Variants in SYTL2 observed in about 807,000 individuals in gnomAD.
SYTL2 encodes synaptotagmin like 2.
Under a neutral mutation model 198.7 loss-of-function variants are expected in SYTL2, and 165 were observed. The observed-to-expected ratio is 0.83, with a 90% CI of 0.73 to 0.94. SYTL2 has a LOEUF of 0.94. SYTL2 is among the 40% of genes least tolerant of loss of function. The pLI is 0.00. For missense variants in SYTL2, 2,835 were observed against 2,582.8 expected, an observed-to-expected ratio of 1.10 and a Z score of -2.12; for synonymous variants, 966 against 917.7, an observed-to-expected ratio of 1.05 and a Z score of -0.95.
At position 85,713,323 on chromosome 11, in the gene SYTL2, A is replaced by G. The variant is rs370703961; in HGVS notation, c.5625+1090T>C. Among the ~76,000 whole-genome samples the G allele has an allele frequency of 1.5e-3, 233 of 152,310 alleles. 2 individuals carry two copies. The highest frequency in any genetic ancestry group is 5.5e-3 in the African/African-American group (227 of 41,562). On this transcript the variant is annotated intron_variant, in intron 12 of 19. Transcript: ENST00000359152. ...CCGTTAGAAATCAGACCAAAACTAC[A>G]AACAGTAGCAGCTAACATTTACCAG... is the stretch of plus-strand genomic sequence containing the variant.
intron 10 of SYTL2, 60 bp from the exon 11 acceptor site, chr11:85,717,590 T>C: frequency 2.9e-6 from 4 of 1,400,414 alleles, no homozygotes; most frequent in Non-Finnish European, 4.0e-6. Flanking sequence ...TAAAGAGACA[T>C]GAAAGTAAAG....
At chr11:85,716,151 G>T (rs538069399) in intron 11 of SYTL2, 1 of 152,228 alleles carries the variant, frequency 6.6e-6, no homozygotes, top group East Asian at 1.9e-4. Flanking sequence ...CAGATATTTA[G>T]GCATATATGT....
At chr11:85,759,630 T>C (rs2092034137) in intron 1 of SYTL2, among the ~76,000 whole-genome samples, 1 of 152,228 alleles carries the variant, frequency 6.6e-6, no homozygotes, top group African/African-American at 2.4e-5. Flanking sequence ...ATTTCTCTTT[T>C]GTATTATGTC....
At chr11:85,699,575 G>A (rs977497814) in intron 17 of SYTL2, among the ~76,000 whole-genome samples, 4 of 151,950 alleles carry the variant, frequency 2.6e-5, no homozygotes, top group African/African-American at 9.7e-5. Flanking sequence ...CTTTTTTGGG[G>A]GGCGGGGGGC....
In SYTL2 at chr11:85,726,109, T is replaced by C. The variant is rs1166836509; in HGVS notation, c.3249A>G (p.Gly1083=). ...PLRKYTYQLP[G]NESSKENVEK... ...CCACATTTTCCTTTGATGACTCATT[T>C]CCTGGCAACTGATAAGTATACTTTC... The change falls in exon 8 of 20, where the codon GGA becomes GGG. Residue 1083 remains glycine (G), a synonymous_variant. Coordinates refer to ENST00000359152, the MANE Select transcript of SYTL2 (RefSeq NM_206927.4). The C allele has an allele frequency of 1.2e-6, 2 of 1,613,910 alleles. No individual in the cohort carries two copies. The highest frequency in any genetic ancestry group is 4.5e-5 in the East Asian group (2 of 44,888).
intron 11 of SYTL2, 128 bp from the exon 12 acceptor site, chr11:85,714,635 G>A (rs979794006): frequency 4.2e-6 from 6 of 1,436,812 alleles, no homozygotes; most frequent in East Asian, 2.6e-5. Flanking sequence ...TAAAGGCAGA[G>A]TAGTCCACAT....
Position 85,707,422 on chromosome 11 carries a change from T to C in SYTL2, c.6018+7A>G, listed in dbSNP as rs747983343. The C allele has an allele frequency of 1.0e-5, 16 of 1,599,094 alleles. No homozygotes were observed. In the East Asian group the frequency reaches 1.6e-4, roughly 16 times the overall value. On this transcript the variant is annotated splice_region_variant and intron_variant, in intron 15 of 19. Transcript: ENST00000359152. The stretch of plus-strand genomic sequence containing the variant: ...AGGATTTTCCTATAGAGAGAGTTCA[T>C]AGATACCCGCAGTATTTCGTTATAC...
chr11:85,757,568 T>C, intron 2 of SYTL2, 57 bp downstream of exon 2: 2 of 1,593,864 alleles, frequency 1.3e-6, no homozygotes, highest in Non-Finnish European at 1.7e-6. Context: ...CAGTGTCCTA[T>C]TTTCGTACAG....
At chr11:85,765,500 G>A (rs1439398178) in intron 1 of SYTL2, among the ~76,000 whole-genome samples, 2 of 152,230 alleles carry the variant, frequency 1.3e-5, no homozygotes, top group Admixed American at 1.3e-4. Context: ...CTCCCAAAGT[G>A]CTGGGATTGC....
At chr11:85,732,719 G>A (rs1332249864) in intron 7 of SYTL2, among the ~76,000 whole-genome samples, 1 of 152,048 alleles carries the variant, frequency 6.6e-6, no homozygotes, top group African/African-American at 2.4e-5. Context: ...TTCTTCACAT[G>A]TATCCCAGAA....
At chr11:85,842,737 T>A in the SYTL2 span, among the ~76,000 whole-genome samples, 1 of 152,170 alleles carries the variant, frequency 6.6e-6, no homozygotes, top group Non-Finnish European at 1.5e-5. Context: ...TCCTAAGAGA[T>A]CTGTGGAAAG....
At chr11:85,839,293 T>C in the SYTL2 span, among the ~76,000 whole-genome samples, 1 of 152,232 alleles carries the variant, frequency 6.6e-6, no homozygotes, top group South Asian at 2.1e-4. Context: ...TTTCTAACTA[T>C]GATGGAACAC....
intron 15 of SYTL2, among the ~76,000 whole-genome samples, chr11:85,706,209 A>C (rs951588299): frequency 5.9e-5 from 9 of 152,212 alleles, no homozygotes; most frequent in Non-Finnish European, 1.0e-4. Context: ...ACACAAATTA[A>C]CTAATTTACT....
At chr11:85,811,698 G>A (rs748781607), upstream of SYTL2, among the ~76,000 whole-genome samples, 5 of 152,208 alleles carry the variant, frequency 3.3e-5, no homozygotes, top group Non-Finnish European at 7.3e-5. Context: ...CCTAGAGAAA[G>A]GTGAGGGCGT....
At chr11:85,751,504 A>G (rs1373730914) in intron 2 of SYTL2, among the ~76,000 whole-genome samples, 1 of 152,176 alleles carries the variant, frequency 6.6e-6, no homozygotes, top group Non-Finnish European at 1.5e-5. Flanking sequence ...ATCCTTTACC[A>G]TCCTCTCCAC....
chr11:85,850,206 C>A, the SYTL2 span, among the ~76,000 whole-genome samples: 1 of 149,172 alleles, frequency 6.7e-6, no homozygotes, highest in Non-Finnish European at 1.5e-5. Flanking sequence ...ATGGGGTTTT[C>A]TAGATATACA....
chr11:85,842,021 C>T, the SYTL2 span, among the ~76,000 whole-genome samples: 1 of 152,174 alleles, frequency 6.6e-6, no homozygotes, highest in South Asian at 2.1e-4. Context: ...TCTCTGACCA[C>T]CTTTTACATG....
chr11:85,807,716 T>C (rs1229379631), intron 1 of SYTL2, among the ~76,000 whole-genome samples: 3 of 152,170 alleles, frequency 2.0e-5, no homozygotes, highest in African/African-American at 7.2e-5. Context: ...TCTGTTATAT[T>C]TGAGATGTTT....
At chr11:85,747,118 G>C (rs1364780382) in intron 3 of SYTL2, among the ~76,000 whole-genome samples, 1 of 152,160 alleles carries the variant, frequency 6.6e-6, no homozygotes, top group African/African-American at 2.4e-5. Flanking sequence ...AAGGCAACCA[G>C]TAAGTATTTA....
Sources: gnomAD v4.1 joint callset for allele counts (sites outside exome capture counted in the v4.1 genomes callset) on GRCh38, gnomAD v4.1.1 for gene constraint, MANE v1.5 for transcripts, NCBI Gene and HGNC (gene_info 2026-07-23, HGNC 2026-07-21) for gene names.